The following MGRN1 variants were observed in gnomAD, a reference collection of about 807,000 sequenced individuals.
The protein encoded by MGRN1 is E3 ubiquitin-protein ligase MGRN1.
MGRN1 carries 29 observed loss-of-function variants against 69.2 expected under a neutral mutation model. The observed-to-expected ratio is 0.42, with a 90% CI of 0.31 to 0.57. The LOEUF (loss-of-function observed/expected upper bound fraction) is 0.57, where lower values mean the gene tolerates loss of function less well. MGRN1 is among the 20% of genes least tolerant of loss of function. The probability of loss-of-function intolerance (pLI) is 0.15; values close to 1 mark genes in which losing one functional copy is unlikely to be tolerated. For synonymous variants in MGRN1, 470 were observed against 344.2 expected, an observed-to-expected ratio of 1.37 and a Z score of -4.04; for missense variants, 998 against 796.2, an observed-to-expected ratio of 1.25 and a Z score of -3.05.
chr16:4,641,884 C>T (rs2078167414), intron 1 of MGRN1, among the ~76,000 whole-genome samples: 1 of 151,928 alleles, frequency 6.6e-6, no homozygotes, highest in African/African-American at 2.4e-5. Context: ...AAATTCGTGG[C>T]TTCAAGCCAT....
rs1017481419 is a variant in MGRN1, at chr16:4,687,983, C to T, written c.1619-813C>T. ...CTGCGCATCGGTGGAAGGTGCCGTG[C>T]GAATGTCACGATTCAGGTCAAGCTT... On this transcript the variant is annotated intron_variant, in intron 16 of 16. Transcript: ENST00000262370. 91 of 985,518 alleles carry T rather than the reference C, an allele frequency of 9.2e-5. No homozygotes were observed. In the African/African-American group the frequency reaches 1.1e-3, roughly 12 times the overall value. 61.0% of individuals were successfully genotyped at this position (985,518 alleles called of 1,614,324 possible).
Position 4,651,976 on chromosome 16 carries a change from C to G in MGRN1, c.221C>G (p.Thr74Ser). The G allele has an allele frequency of 1.9e-6, 3 of 1,614,060 alleles. No homozygotes were observed. The highest frequency in any genetic ancestry group is 2.5e-6 in the Non-Finnish European group (3 of 1,179,974). Residue 74 changes from threonine (T) to serine (S), a missense_variant, in exon 3 of 17, where the codon ACT (threonine) becomes AGT (serine). Transcript: ENST00000262370. ...GSRPVQFPYV[T>S]PAPHEPVKTL... ...TTTTTCTCCTAGTTTCCCTACGTCACTCCTGCCCCCCACGAGCCCGTGAAG... is the reference window on the plus strand; with the variant it reads ...TTTTTCTCCTAGTTTCCCTACGTCAGTCCTGCCCCCCACGAGCCCGTGAAG...
chr16:4,665,629 A>G (rs1434800600), intron 7 of MGRN1, among the ~76,000 whole-genome samples: 2 of 149,474 alleles, frequency 1.3e-5, no homozygotes, highest in African/African-American at 2.5e-5. Context: ...ACGGCCTCCC[A>G]GAGTGTTGGG....
rs755101650 is a variant in MGRN1, at chr16:4,673,531, G to A, written c.829G>A (p.Glu277Lys). The stretch of plus-strand genomic sequence containing the variant: ...CGACGAGAACAGCGACAACAGCAAC[G>A]AGTGTGTGGTGTGCCTGTCCGACCT... ...SDDENSDNSN[E>K]CVVCLSDLRD... is the part of the protein sequence containing the mutation. The change falls in exon 10 of 17, where the codon GAG becomes AAG. Residue 277 changes from glutamate to lysine, a missense_variant. Transcript: ENST00000262370. The A allele has an allele frequency of 3.7e-6, 6 of 1,613,532 alleles. No homozygotes were observed. Among genetic ancestry groups the A allele is most frequent in the African/African-American group, 1.3e-5 (1 of 74,916 alleles).
rs1182267159 is a variant in MGRN1 at position 4,633,787 on chromosome 16, G to A, written c.88+8739G>A. On this transcript the variant is annotated intron_variant, in intron 1 of 16. Transcript: ENST00000262370. ...GGCCGGACTGCAGTGGTGCTATCTC[G>A]GCTCACTGCAAGCTCTGCCTCCCGG... The A allele has an allele frequency of 2.0e-5, 3 of 151,678 alleles. No homozygotes were observed. The East Asian group carries it at 5.9e-4, about 30-fold the overall frequency. The allele number at this position is 151,678 out of a possible 1,614,324, so 9.4% of individuals were successfully genotyped here.
At chr16:4,668,460 C>T (rs974177704) in intron 8 of MGRN1, 148 bp downstream of exon 8, 2 of 799,730 alleles carry the variant, frequency 2.5e-6, no homozygotes, top group Non-Finnish European at 4.0e-6. Context: ...TTCACTTGCA[C>T]ATATATACGG....
In MGRN1 at chr16:4,651,992, G is replaced by GCCCTGTCTA; in HGVS notation, c.240_241insTGTCTACCC (p.Pro80_Val81insCysLeuPro). On this transcript the variant is annotated inframe_insertion, in exon 3 of 17. Transcript: ENST00000262370. ...CCTACGTCACTCCTGCCCCCCACGA[G>GCCCTGTCTA]CCCGTGAAGACGCTGCGGAGCCTGG... 6.2e-7 allele frequency: 1 copy of GCCCTGTCTA among 1,614,026 alleles called. No homozygotes were observed. Among genetic ancestry groups the GCCCTGTCTA allele is most frequent in the African/African-American group, 1.3e-5 (1 of 75,012 alleles).
At chr16:4,670,602 C>T (rs1273244129) in intron 8 of MGRN1, among the ~76,000 whole-genome samples, 4 of 152,164 alleles carry the variant, frequency 2.6e-5, no homozygotes, top group Non-Finnish European at 5.9e-5. Flanking sequence ...TGCCTATGAT[C>T]CCAGCACTAT....
intron 8 of MGRN1, 80 bp downstream of exon 8, chr16:4,668,392 GACACACACTC>G: frequency 7.0e-7 from 1 of 1,430,506 alleles, no homozygotes. Context: ...CTCATACATA[GACACACACTC>G]ATACACACGC....
At chr16:4,661,877 G>A (rs1330044283) in intron 5 of MGRN1, among the ~76,000 whole-genome samples, 2 of 152,226 alleles carry the variant, frequency 1.3e-5, no homozygotes, top group Admixed American at 1.3e-4. Flanking sequence ...GTGTGGATGG[G>A]TTACGTGTGC....
At chr16:4,648,954 G>C (rs2141874179) in intron 1 of MGRN1, 1 of 160,036 alleles carries the variant, frequency 6.2e-6, no homozygotes, top group South Asian at 1.5e-4. Flanking sequence ...CTCCGGGGCT[G>C]TGTGCCAGGA....
At position 4,690,393 on chromosome 16, in the gene MGRN1, G is replaced by A. The variant is rs1405420024; in HGVS notation, c.*1485G>A. 1.3e-5 allele frequency: 2 copies of A among 152,068 alleles called. No homozygotes were observed. Among genetic ancestry groups the A allele is most frequent in the Admixed American group, 1.3e-4 (2 of 15,254 alleles). 9.4% of individuals were successfully genotyped at this position (152,068 alleles called of 1,614,324 possible). A position where few individuals can be genotyped will look rare whatever the true frequency, so the allele number is the denominator to read the frequency against. On this transcript the variant is annotated 3_prime_UTR_variant, in exon 17 of 17. Transcript: ENST00000262370. ...GGGCCTGGGGACAGGTCGGCTGTGG[G>A]GCAGCTCAGTACCCTCCCTGAGGCT...
rs371619129 is a variant in MGRN1, at chr16:4,650,980, G to C, written c.207+497G>C. 2.0e-5 allele frequency: 3 copies of C among 152,190 alleles called. No individual in the cohort carries two copies. In the East Asian group the frequency reaches 5.8e-4, roughly 29 times the overall value. 9.4% of individuals were successfully genotyped at this position (152,190 alleles called of 1,614,324 possible). A position where few individuals can be genotyped will look rare whatever the true frequency, so the allele number is the denominator to read the frequency against. On this transcript the variant is annotated intron_variant, in intron 2 of 16. Transcript: ENST00000262370. ...AAAAATTAGCCGGGTGTGGTGGCAC[G>C]TGCCTGTAATCCCAACTACTCGGGA...
rs757878479 is a variant in MGRN1 at position 4,682,871 on chromosome 16, G to A, written c.1407G>A (p.Lys469=). The change falls in exon 14 of 17, where the codon AAG becomes AAA. Residue 469 remains lysine, a synonymous_variant. Transcript: ENST00000262370. ...CCATCCACGAAGAGGATGAGGAGAA[G>A]CTCTCCGAGGACGTGGACGCCCCTC... ...SSPIHEEDEE[K]LSEDVDAPPP... is the part of the protein sequence containing the mutation. 1 of 1,609,650 alleles carries A rather than the reference G, an allele frequency of 6.2e-7. No homozygotes were observed. Among genetic ancestry groups the A allele is most frequent in the Non-Finnish European group, 8.5e-7 (1 of 1,176,862 alleles).
Position 4,668,394 on chromosome 16 carries a change from CACACACTCAT to C in MGRN1, c.726+89_726+98del, listed in dbSNP as rs1343156924. ...ACTCACACGCATACTCATACATAGA[CACACACTCAT>C]ACACACGCACATATACTCATACACG... On this transcript the variant is annotated intron_variant, in intron 8 of 16. Coordinates refer to ENST00000262370, the MANE Select transcript of MGRN1 (RefSeq NM_015246.4). 4.2e-6 allele frequency: 6 copies of C among 1,424,636 alleles called. No individual in the cohort carries two copies. In the East Asian group the frequency reaches 9.1e-5, roughly 22 times the overall value. 88.2% of individuals were successfully genotyped at this position (1,424,636 alleles called of 1,614,324 possible).
At chr16:4,687,333 G>A in intron 16 of MGRN1, 2 of 971,712 alleles carry the variant, frequency 2.1e-6, no homozygotes, top group Non-Finnish European at 2.4e-6. Flanking sequence ...TAGATCACTT[G>A]AGCCCAGGAA....
At chr16:4,648,376 C>T (rs1439742810) in intron 1 of MGRN1, among the ~76,000 whole-genome samples, 3 of 132,810 alleles carry the variant, frequency 2.3e-5, no homozygotes, top group East Asian at 2.3e-4. Context: ...CTCCTCCTCC[C>T]GGGGACTCTT....
chr16:4,664,547 C>T (rs1422242958), intron 5 of MGRN1, 162 bp from the exon 6 acceptor site: 29 of 682,080 alleles, frequency 4.3e-5, no homozygotes, highest in Non-Finnish European at 7.0e-5. Flanking sequence ...AAAAAGGTGC[C>T]AAGCCTGGCA....
chr16:4,686,915 C>G (rs1202501130), intron 16 of MGRN1: 4 of 985,406 alleles, frequency 4.1e-6, no homozygotes, highest in Non-Finnish European at 4.8e-6. Flanking sequence ...CAGTCCCTGT[C>G]TCTTGGAGGG....
Sources: gnomAD v4.1 joint callset for allele counts (sites outside exome capture counted in the v4.1 genomes callset) on GRCh38, gnomAD v4.1.1 for gene constraint, MANE v1.5 for transcripts, NCBI Gene and HGNC (gene_info 2026-07-23, HGNC 2026-07-21) for gene names.